The following IL1RAPL1 variants were observed in gnomAD, a reference collection of about 807,000 sequenced individuals.
The protein encoded by IL1RAPL1 is interleukin 1 receptor accessory protein like 1.
Under a neutral mutation model 48.4 loss-of-function variants are expected in IL1RAPL1, and 3 were observed. That is an observed-to-expected ratio of 0.06 (90% CI 0.03 to 0.16). IL1RAPL1 has a LOEUF of 0.16. Ranked by LOEUF, IL1RAPL1 falls within the 10% of genes least tolerant of loss-of-function variation. The pLI is 1.00. For missense variants in IL1RAPL1, 349 were observed against 530.6 expected (o/e 0.66, Z 3.36); for synonymous variants, 185 against 187.7 (o/e 0.99, Z 0.12).
At chrX:29,731,909 G>A (rs1218630611) in intron 6 of IL1RAPL1, among the ~76,000 whole-genome samples, 3 of 112,348 alleles carry the variant, frequency 2.7e-5, no homozygotes, top group South Asian at 7.3e-4. Context: ...AACACTGGAA[G>A]CAGGACATAA....
At chrX:28,823,817 A>G (rs1278500220) in intron 2 of IL1RAPL1, among the ~76,000 whole-genome samples, 2 of 111,460 alleles carry the variant, frequency 1.8e-5, no homozygotes, top group Non-Finnish European at 3.8e-5. Context: ...CACATTGGGA[A>G]CACTGGAAGA....
intron 6 of IL1RAPL1, among the ~76,000 whole-genome samples, chrX:29,837,292 T>TACACAC (rs1347691509): frequency 1.3e-5 from 1 of 74,725 alleles, no homozygotes; most frequent in African/African-American, 6.2e-5. Context: ...TATATATATA[T>TACACAC]ATATATATAC....
intron 3 of IL1RAPL1, among the ~76,000 whole-genome samples, chrX:29,323,752 T>TATATATATA (rs1932824284): frequency 2.9e-5 from 1 of 34,179 alleles, no homozygotes; most frequent in African/African-American, 1.5e-4. Flanking sequence ...TATATATATA[T>TATATATATA]ATATATATAT....
intron 1 of IL1RAPL1, among the ~76,000 whole-genome samples, chrX:28,607,575 A>C (rs1934099126): frequency 9.0e-6 from 1 of 111,545 alleles, no homozygotes; most frequent in South Asian, 3.8e-4. Flanking sequence ...GAAGAATGGC[A>C]AACTCCACGT....
At chrX:28,737,158 C>CT (rs1569161795) in intron 1 of IL1RAPL1, among the ~76,000 whole-genome samples, 5 of 29,828 alleles carry the variant, frequency 1.7e-4, no homozygotes, top group African/African-American at 5.7e-4. Context: ...TCCTTCCTTC[C>CT]TTCCTTCCTT....
intron 2 of IL1RAPL1, among the ~76,000 whole-genome samples, chrX:28,919,585 T>C (rs1923569023): frequency 8.9e-6 from 1 of 112,116 alleles, no homozygotes; most frequent in African/African-American, 3.2e-5. Flanking sequence ...TTGAGTAAGG[T>C]ACTTATCCCT....
At chrX:28,857,385 G>A (rs1254772613) in intron 2 of IL1RAPL1, among the ~76,000 whole-genome samples, 2 of 111,768 alleles carry the variant, frequency 1.8e-5, no homozygotes, top group East Asian at 5.6e-4. Flanking sequence ...CCCTCTATTG[G>A]AAGAATATGC....
chrX:29,463,829 G>A (rs991818851), intron 5 of IL1RAPL1, among the ~76,000 whole-genome samples: 1 of 111,331 alleles, frequency 9.0e-6, no homozygotes, highest in Non-Finnish European at 1.9e-5. Context: ...GACATACTCT[G>A]GGGGAAACCA....
At chrX:29,621,523 TA>T (rs1409783126) in intron 5 of IL1RAPL1, among the ~76,000 whole-genome samples, 4 of 111,253 alleles carry the variant, frequency 3.6e-5, no homozygotes, top group African/African-American at 1.3e-4. Context: ...TATTGAAAAT[TA>T]AATTAATTAC....
At chrX:29,550,247 A>C (rs1485169727) in intron 5 of IL1RAPL1, among the ~76,000 whole-genome samples, 2 of 110,708 alleles carry the variant, frequency 1.8e-5, no homozygotes, top group Non-Finnish European at 3.8e-5. Flanking sequence ...GCTGGAGTGC[A>C]GTGGCGGGAT....
chrX:29,623,977 A>T (rs1433704941), intron 5 of IL1RAPL1, among the ~76,000 whole-genome samples: 1 of 111,952 alleles, frequency 8.9e-6, no homozygotes, highest in Non-Finnish European at 1.9e-5. Context: ...CAATAAGAAT[A>T]CTGACAAACT....
chrX:28,908,412 A>G (rs1165471231), intron 2 of IL1RAPL1, among the ~76,000 whole-genome samples: 1 of 111,233 alleles, frequency 9.0e-6, no homozygotes, highest in Non-Finnish European at 1.9e-5. Flanking sequence ...TTCATTTAGT[A>G]ATATTCTAGA....
intron 1 of IL1RAPL1, among the ~76,000 whole-genome samples, chrX:28,714,048 TATC>T (rs1404226273): frequency 8.9e-6 from 1 of 111,984 alleles, no homozygotes; most frequent in Non-Finnish European, 1.9e-5. Flanking sequence ...AGGTCAATGT[TATC>T]ATTTATGTAT....
chrX:28,737,231 C>G (rs1935851871), intron 1 of IL1RAPL1, among the ~76,000 whole-genome samples: 1 of 81,981 alleles, frequency 1.2e-5, no homozygotes, highest in East Asian at 3.8e-4. Flanking sequence ...TTCTTTCTTT[C>G]TTTCTTTCTT....
chrX:29,546,677 C>T (rs1187016327), intron 5 of IL1RAPL1, among the ~76,000 whole-genome samples: 2 of 111,417 alleles, frequency 1.8e-5, no homozygotes, highest in South Asian at 3.8e-4. Flanking sequence ...TTTTCTCAGG[C>T]AACCTCTTCT....
chrX:29,205,459 T>G (rs1046503272), intron 2 of IL1RAPL1, among the ~76,000 whole-genome samples: 54 of 111,290 alleles, frequency 4.9e-4, no homozygotes, highest in African/African-American at 1.6e-3. Context: ...ATATAGCATG[T>G]TATCAGCTAC....
chrX:29,058,097 C>T (rs958202790), intron 2 of IL1RAPL1, among the ~76,000 whole-genome samples: 5 of 110,881 alleles, frequency 4.5e-5, no homozygotes, highest in East Asian at 2.8e-4. Context: ...GGAAAGAGGC[C>T]GGGCGCAGTG....
chrX:29,071,429 C>T (rs1008588222), intron 2 of IL1RAPL1, among the ~76,000 whole-genome samples: 1 of 112,086 alleles, frequency 8.9e-6, no homozygotes, highest in Middle Eastern at 4.2e-3. Flanking sequence ...AATGTACTTA[C>T]AGTGCTAGGA....
chrX:29,236,545 C>T (rs201621882), intron 2 of IL1RAPL1, among the ~76,000 whole-genome samples: 308 of 63,014 alleles, frequency 4.9e-3, no homozygotes, highest in Middle Eastern at 0.017. Context: ...CTTTTTTTTT[C>T]TTTTTTTTTT....
Sources: gnomAD v4.1 joint callset for allele counts (sites outside exome capture counted in the v4.1 genomes callset) on GRCh38, gnomAD v4.1.1 for gene constraint, MANE v1.5 for transcripts, NCBI Gene and HGNC (gene_info 2026-07-23, HGNC 2026-07-21) for gene names.